TG: variants seen among roughly 807,000 people sequenced by gnomAD.
TG encodes the protein thyroglobulin, also known as thyroid hormones.
In TG, 270 loss-of-function variants were observed where a neutral mutation model predicts 324.7. That is an observed-to-expected ratio of 0.83 (90% CI 0.75 to 0.92). The LOEUF is 0.92. Among genes scored for constraint, TG ranks in the 40% least tolerant of loss-of-function variants. The probability of loss-of-function intolerance (pLI) is 0.00; values close to 1 mark genes in which losing one functional copy is unlikely to be tolerated. For missense variants in TG, 3,591 were observed against 3,456.4 expected (o/e 1.04, Z -0.98); for synonymous variants, 1,401 against 1,327.0 (o/e 1.06, Z -1.21).
At chr8:133,030,136 T>C (rs934260948) in intron 41 of TG, 113 bp downstream of exon 41, 37 of 1,311,062 alleles carry the variant, frequency 2.8e-5, no homozygotes, top group Middle Eastern at 2.4e-4. Flanking sequence ...CCCTTGTCCT[T>C]TGTCCTGAGT....
chr8:133,032,269 A>C (rs1836710765), intron 41 of TG, among the ~76,000 whole-genome samples: 1 of 152,132 alleles, frequency 6.6e-6, no homozygotes. Context: ...GTCCCTCCGA[A>C]GGTGATCCAT....
At position 132,873,055 on chromosome 8, in the gene TG, T is replaced by C; in HGVS notation, c.479-7T>C. 6.2e-7 allele frequency: 1 copy of C among 1,613,872 alleles called. No homozygotes were observed. The highest frequency in any genetic ancestry group is 2.2e-5 in the East Asian group (1 of 44,874). On this transcript the variant is annotated splice_region_variant and splice_polypyrimidine_tract_variant and intron_variant, in intron 4 of 47. Coordinates refer to ENST00000220616, the MANE Select transcript of TG (RefSeq NM_003235.5). ...TATAAGGATTTTTTTTTCGTGAAAA[T>C]GTTTAGGTCCAAGGAGCTGTGAAAT... is the stretch of plus-strand genomic sequence containing the variant.
intron 25 of TG, among the ~76,000 whole-genome samples, chr8:132,940,035 T>C (rs571362222): frequency 6.6e-6 from 1 of 152,230 alleles, no homozygotes; most frequent in South Asian, 2.1e-4. Flanking sequence ...ATCATCCTCA[T>C]TGTACAGATG....
Position 132,918,291 on chromosome 8 carries a change from G to A in TG, c.4379-1085G>A, listed in dbSNP as rs1279017223. Among the ~76,000 whole-genome samples, 4 of 152,296 alleles carry A rather than the reference G, an allele frequency of 2.6e-5. 1 individual carries two copies. In the East Asian group the frequency reaches 7.7e-4, roughly 29 times the overall value. Reference sequence around the variant, plus strand: ...CCTAGGCTTTTGGAGGCTGGGCAAGGCAGGTTGGCCGAAAGGCTTTTGTTT... The same window carrying A: ...CCTAGGCTTTTGGAGGCTGGGCAAGACAGGTTGGCCGAAAGGCTTTTGTTT... On this transcript the variant is annotated intron_variant, in intron 20 of 47. Transcript: ENST00000220616.
intron 45 of TG, among the ~76,000 whole-genome samples, chr8:133,124,367 G>C (rs561896901): frequency 6.6e-6 from 1 of 152,344 alleles, no homozygotes; most frequent in African/African-American, 2.4e-5. Context: ...AGTGGGGGCT[G>C]GGGTATGGCT....
intron 41 of TG, among the ~76,000 whole-genome samples, chr8:133,069,656 G>A (rs528891901): frequency 5.1e-4 from 77 of 152,146 alleles, no homozygotes; most frequent in Non-Finnish European, 8.5e-4. Flanking sequence ...TTCTACTCTC[G>A]GCTGGGGCTC....
At chr8:132,937,244 G>A (rs1023266542) in intron 25 of TG, among the ~76,000 whole-genome samples, 1 of 152,176 alleles carries the variant, frequency 6.6e-6, no homozygotes, top group Non-Finnish European at 1.5e-5. Flanking sequence ...GTAACTCAGG[G>A]CAAGTGGCTC....
At chr8:133,080,885 G>A (rs1845639912) in intron 41 of TG, among the ~76,000 whole-genome samples, 1 of 152,222 alleles carries the variant, frequency 6.6e-6, no homozygotes. Flanking sequence ...AGATGTCCAT[G>A]CATCTTCCTA....
chr8:132,959,323 A>G (rs1267462113), intron 27 of TG, among the ~76,000 whole-genome samples: 1 of 152,192 alleles, frequency 6.6e-6, no homozygotes, highest in Non-Finnish European at 1.5e-5. Context: ...AGACACTTTG[A>G]CCAATGAAAG....
rs752999227 is a variant in TG, at chr8:133,017,900, C to T, written c.6685C>T (p.Leu2229Phe). 19 of 1,614,090 alleles carry T rather than the reference C, an allele frequency of 1.2e-5. No homozygotes were observed. Among genetic ancestry groups the T allele is most frequent in the South Asian group, 1.1e-5 (1 of 91,092 alleles). ...CTCATGGAAGCAAGTGGACCAGTTC[C>T]TTGGAGTTCCATATGCTGCCCCGCC... The part of the protein sequence containing the change: ...GTSWKQVDQF[L>F]GVPYAAPPLA... Residue 2229 changes from leucine to phenylalanine, a missense_variant, in exon 38 of 48, where the codon CTT becomes TTT. Physicochemically the swap from Leu to Phe is conservative, Grantham distance 22. Coordinates refer to ENST00000220616, the MANE Select transcript of TG (RefSeq NM_003235.5).
intron 16 of TG, 107 bp downstream of exon 16, chr8:132,901,660 C>G (rs944300062): frequency 1.8e-5 from 21 of 1,186,628 alleles, no homozygotes; most frequent in African/African-American, 3.0e-5. Flanking sequence ...GGAGGGGAGG[C>G]AGGAAGTGCA....
At chr8:133,133,085 T>C (rs993947253) in intron 46 of TG, among the ~76,000 whole-genome samples, 6 of 152,118 alleles carry the variant, frequency 3.9e-5, no homozygotes, top group Non-Finnish European at 7.4e-5. Context: ...AGATTCACCC[T>C]CCTGCCCGGG....
intron 41 of TG, among the ~76,000 whole-genome samples, chr8:133,055,688 C>T (rs1474609938): frequency 2.0e-5 from 3 of 152,170 alleles, no homozygotes; most frequent in South Asian, 4.1e-4. Context: ...AGGGCTAGCA[C>T]AGAACAGAAG....
At chr8:133,059,905 G>A (rs993553953) in intron 41 of TG, among the ~76,000 whole-genome samples, 1 of 152,174 alleles carries the variant, frequency 6.6e-6, no homozygotes, top group Non-Finnish European at 1.5e-5. Context: ...CTTCAGGTGC[G>A]CCGAGCACCC....
intron 40 of TG, among the ~76,000 whole-genome samples, chr8:133,027,782 C>A (rs1836243118): frequency 6.6e-6 from 1 of 152,206 alleles, no homozygotes; most frequent in Non-Finnish European, 1.5e-5. Flanking sequence ...ATTTGAGTCC[C>A]AACTTGATCT....
chr8:132,933,960 C>A (rs191723090), intron 24 of TG, among the ~76,000 whole-genome samples: 19 of 152,214 alleles, frequency 1.2e-4, no homozygotes, highest in African/African-American at 4.6e-4. Context: ...GCAGTGTGGG[C>A]AAGATGTGAG....
At chr8:132,871,298 C>T (rs771366813) in intron 3 of TG, 50 bp from the exon 4 acceptor site, 2 of 1,597,524 alleles carry the variant, frequency 1.3e-6, no homozygotes, top group Non-Finnish European at 8.6e-7. Context: ...GGCTCTGCCC[C>T]CTGGAAATTT....
chr8:133,102,848 C>T (rs896951784), intron 43 of TG: 4 of 368,510 alleles, frequency 1.1e-5, no homozygotes, highest in African/African-American at 6.3e-5. Context: ...CGCTGTGCCC[C>T]TAAGCTTGGC....
chr8:133,096,514 G>A, intron 43 of TG, 141 bp downstream of exon 43: 1 of 1,008,268 alleles, frequency 9.9e-7, no homozygotes. Context: ...TTAGGAGGTG[G>A]TAATGGGGGG....
Sources: allele counts gnomAD v4.1 joint callset (sites outside exome capture counted in the v4.1 genomes callset), GRCh38; gene constraint gnomAD v4.1.1; transcripts MANE v1.5; gene names NCBI Gene and HGNC (gene_info 2026-07-23, HGNC 2026-07-21).